ULK4: variants seen among roughly 807,000 people sequenced by gnomAD.
The protein encoded by ULK4 is unc-51 like kinase 4, also known as inactive serine/threonine-protein kinase ULK4.
ULK4 carries 133 observed loss-of-function variants against 160.6 expected under a neutral mutation model. That is an observed-to-expected ratio of 0.83 (90% CI 0.72 to 0.96). ULK4 has a LOEUF of 0.96. Ranked by LOEUF, ULK4 falls within the 40% of genes least tolerant of loss-of-function variation. ULK4 has a pLI of 0.00. For missense variants in ULK4, 1,580 were observed against 1,499.5 expected, an observed-to-expected ratio of 1.05 and a Z score of -0.89; for synonymous variants, 534 against 539.8, an observed-to-expected ratio of 0.99 and a Z score of 0.15.
At chr3:41,881,584 C>G (rs1697523641) in intron 17 of ULK4, among the ~76,000 whole-genome samples, 1 of 152,080 alleles carries the variant, frequency 6.6e-6, no homozygotes, top group African/African-American at 2.4e-5. Flanking sequence ...AAAGGAGCAC[C>G]TAGCTCAATT....
intron 17 of ULK4, among the ~76,000 whole-genome samples, chr3:41,879,092 G>C (rs1338405685): frequency 6.6e-6 from 1 of 152,096 alleles, no homozygotes; most frequent in Non-Finnish European, 1.5e-5. Context: ...AAAAATAAGA[G>C]ACCAGGAATT....
intron 35 of ULK4, among the ~76,000 whole-genome samples, chr3:41,289,431 T>C (rs763868800): frequency 2.6e-5 from 4 of 152,230 alleles, no homozygotes; most frequent in Non-Finnish European, 5.9e-5. Context: ...ACAATGATGA[T>C]GAATACTGTC....
chr3:41,913,826 G>A (rs1698880159), intron 8 of ULK4, among the ~76,000 whole-genome samples: 1 of 151,980 alleles, frequency 6.6e-6, no homozygotes. Context: ...AGTTGGGTGT[G>A]GGGGCCCACA....
intron 35 of ULK4, among the ~76,000 whole-genome samples, chr3:41,315,919 T>C (rs937586069): frequency 1.6e-4 from 24 of 152,124 alleles, no homozygotes; most frequent in Non-Finnish European, 5.9e-5. Context: ...GGTCGAGAAA[T>C]CAGAACTCTC....
intron 8 of ULK4, 80 bp from the exon 9 acceptor site, chr3:41,912,979 A>G: frequency 7.9e-7 from 1 of 1,264,516 alleles, no homozygotes; most frequent in Non-Finnish European, 1.1e-6. Flanking sequence ...CCAATTACAC[A>G]TAGCAGATTT....
chr3:41,280,517 C>T (rs1044737474), intron 35 of ULK4, among the ~76,000 whole-genome samples: 7 of 152,196 alleles, frequency 4.6e-5, no homozygotes, highest in African/African-American at 1.7e-4. Context: ...CTCAAAACCG[C>T]ACAACTACAT....
At chr3:41,490,185 C>T (rs1431209537) in intron 32 of ULK4, among the ~76,000 whole-genome samples, 2 of 152,276 alleles carry the variant, frequency 1.3e-5, no homozygotes, top group South Asian at 2.1e-4. Context: ...ACAGTTCTCT[C>T]TGCCTCTGAT....
chr3:41,958,808 C>G (rs79467225), intron 1 of ULK4, among the ~76,000 whole-genome samples: 2,186 of 152,136 alleles, frequency 0.014, 54 homozygotes, highest in African/African-American at 0.051. Context: ...AAAATGTTAG[C>G]GGGTAAACAT....
At chr3:41,548,122 C>T (rs2086928665) in intron 32 of ULK4, among the ~76,000 whole-genome samples, 1 of 152,138 alleles carries the variant, frequency 6.6e-6, no homozygotes, top group Admixed American at 6.5e-5. Flanking sequence ...CCTGAGCACA[C>T]CATACAGGAA....
intron 31 of ULK4, among the ~76,000 whole-genome samples, chr3:41,595,582 A>T (rs1343944588): frequency 6.6e-6 from 1 of 152,212 alleles, no homozygotes; most frequent in African/African-American, 2.4e-5. Flanking sequence ...CAGCTTGAGG[A>T]GTCAGCAAAG....
chr3:41,826,451 G>A (rs1429786429), intron 18 of ULK4, among the ~76,000 whole-genome samples: 1 of 151,888 alleles, frequency 6.6e-6, no homozygotes, highest in Non-Finnish European at 1.5e-5. Context: ...TCAAAATAAA[G>A]GGATGGAGGA....
At chr3:41,896,767 T>C in intron 15 of ULK4, 55 bp downstream of exon 15, 1 of 1,518,182 alleles carries the variant, frequency 6.6e-7, no homozygotes, top group Non-Finnish European at 8.8e-7. Flanking sequence ...AGCACTTGTT[T>C]GAGCCTCTAT....
At chr3:41,906,752 T>C (rs1041146941) in intron 12 of ULK4, among the ~76,000 whole-genome samples, 2 of 152,128 alleles carry the variant, frequency 1.3e-5, no homozygotes, top group Non-Finnish European at 1.5e-5. Context: ...CCCAGCACTA[T>C]GGGAGGCCGA....
intron 35 of ULK4, among the ~76,000 whole-genome samples, chr3:41,315,619 A>G (rs1161239893): frequency 1.3e-5 from 2 of 152,140 alleles, no homozygotes; most frequent in Non-Finnish European, 2.9e-5. Context: ...AGGCCTCTCC[A>G]TCCCTCTACC....
intron 34 of ULK4, among the ~76,000 whole-genome samples, chr3:41,423,999 T>A (rs1053813277): frequency 3.3e-5 from 5 of 151,362 alleles, no homozygotes; most frequent in African/African-American, 1.2e-4. Flanking sequence ...TGGGGAGGGG[T>A]GGTCATCATC....
At chr3:41,591,704 C>T (rs1179644831) in intron 31 of ULK4, among the ~76,000 whole-genome samples, 7 of 152,130 alleles carry the variant, frequency 4.6e-5, no homozygotes, top group Non-Finnish European at 8.8e-5. Flanking sequence ...GTTAAAATAA[C>T]GTATGATCAG....
At chr3:41,273,105 T>C (rs954048530) in intron 35 of ULK4, among the ~76,000 whole-genome samples, 14 of 152,244 alleles carry the variant, frequency 9.2e-5, no homozygotes, top group Non-Finnish European at 2.1e-4. Context: ...AATTATAAAA[T>C]TGTATAACAT....
chr3:41,533,322 T>C (rs1462119342), intron 32 of ULK4, among the ~76,000 whole-genome samples: 3 of 152,218 alleles, frequency 2.0e-5, no homozygotes, highest in African/African-American at 7.2e-5. Flanking sequence ...TATTTATTAT[T>C]TTTAGACTAA....
chr3:41,876,222 G>C (rs1324982768), intron 17 of ULK4, among the ~76,000 whole-genome samples: 1 of 152,056 alleles, frequency 6.6e-6, no homozygotes, highest in Non-Finnish European at 1.5e-5. Context: ...ATTATAGAGA[G>C]CACCAAGTTG....
Sources: allele counts gnomAD v4.1 joint callset (sites outside exome capture counted in the v4.1 genomes callset), GRCh38; gene constraint gnomAD v4.1.1; transcripts MANE v1.5; gene names NCBI Gene and HGNC (gene_info 2026-07-23, HGNC 2026-07-21).